The following MEGF10 variants were observed in gnomAD, a reference collection of about 807,000 sequenced individuals.
MEGF10 encodes the protein multiple EGF like domains 10.
Under a neutral mutation model 147.5 loss-of-function variants are expected in MEGF10, and 86 were observed. The ratio of observed to expected loss-of-function variants is 0.58; its 90% CI spans 0.49 to 0.70. The LOEUF (loss-of-function observed/expected upper bound fraction) is 0.70. Ranked by LOEUF, MEGF10 falls within the 30% of genes least tolerant of loss-of-function variation. MEGF10 has a pLI of 0.00. For missense variants in MEGF10, 1,329 were observed against 1,487.3 expected, an observed-to-expected ratio of 0.89 and a Z score of 1.75; for synonymous variants, 478 against 525.5, an observed-to-expected ratio of 0.91 and a Z score of 1.24.
At position 127,434,805 on chromosome 5, in the gene MEGF10, C is replaced by T. The variant is rs146017981; in HGVS notation, c.1959C>T (p.Gly653=). The T allele has an allele frequency of 2.4e-5, 38 of 1,613,032 alleles. No individual in the cohort carries two copies. The highest frequency in any genetic ancestry group is 1.2e-4 in the African/African-American group (9 of 74,920). Residue 653 remains glycine, a synonymous_variant, in exon 15 of 25, where the codon GGC becomes GGT. Transcript: ENST00000503335. The stretch of plus-strand genomic sequence containing the variant: ...GTGACTGCTTGCCTGGCTTCACAGG[C>T]GCCCTCTGCAATGAAGGTAAGGCAC... ...GLCDCLPGFT[G]ALCNEVCPSG...
the MEGF10 span, among the ~76,000 whole-genome samples, chr5:127,269,856 G>C: frequency 6.6e-6 from 1 of 152,178 alleles, no homozygotes; most frequent in South Asian, 2.1e-4. Flanking sequence ...CACACAAAAG[G>C]AAACCCATCA....
chr5:127,370,022 TGTC>T lies in MEGF10; in HGVS notation c.412+21_412+23del, dbSNP rs752323612. 1 of 1,601,698 alleles carries T rather than the reference TGTC, an allele frequency of 6.2e-7. No homozygotes were observed. Among genetic ancestry groups the T allele is most frequent in the African/African-American group, 1.3e-5 (1 of 74,558 alleles). On this transcript the variant is annotated intron_variant, in intron 5 of 24. Transcript: ENST00000503335. ...CCAGTGGTAAGTTTCCACCTGCTGT[TGTC>T]TGTCTCGGGATGTTTTTGCTGTAAG...
intron 1 of MEGF10, among the ~76,000 whole-genome samples, chr5:127,291,440 C>G (rs1759252556): frequency 6.6e-6 from 1 of 152,058 alleles, no homozygotes; most frequent in Non-Finnish European, 1.5e-5. Context: ...TTCAGCTGGG[C>G]CCTTTCTTCT....
At chr5:127,359,613 A>G (rs1762404593) in intron 4 of MEGF10, among the ~76,000 whole-genome samples, 1 of 152,116 alleles carries the variant, frequency 6.6e-6, no homozygotes, top group Admixed American at 6.5e-5. Context: ...AGAGCTTTAT[A>G]TAAGTGGACT....
chr5:127,356,219 C>T (rs529813714), intron 4 of MEGF10, among the ~76,000 whole-genome samples: 8 of 152,300 alleles, frequency 5.3e-5, no homozygotes, highest in African/African-American at 1.4e-4. Flanking sequence ...CGCCGGCCAG[C>T]GCTTTTACAG....
At chr5:127,371,029 T>C (rs1762826790) in intron 5 of MEGF10, among the ~76,000 whole-genome samples, 1 of 152,230 alleles carries the variant, frequency 6.6e-6, no homozygotes, top group Admixed American at 6.5e-5. Context: ...TATTTTGGAA[T>C]TGGGGAGATT....
upstream of MEGF10, among the ~76,000 whole-genome samples, chr5:127,290,661 G>C (rs1452793982): frequency 6.6e-6 from 1 of 152,216 alleles, no homozygotes; most frequent in Non-Finnish European, 1.5e-5. Flanking sequence ...TGTTGCGCTA[G>C]GGACTGCGCG....
chr5:127,250,451 C>A, the MEGF10 span, among the ~76,000 whole-genome samples: 9 of 151,894 alleles, frequency 5.9e-5, no homozygotes, highest in African/African-American at 2.2e-4. Flanking sequence ...ATTCAATAAT[C>A]ATTTGTGATT....
the MEGF10 span, among the ~76,000 whole-genome samples, chr5:127,239,934 T>G: frequency 6.6e-6 from 1 of 152,278 alleles, no homozygotes; most frequent in South Asian, 2.1e-4. Flanking sequence ...CTATTTTCCC[T>G]TGCCTGGACC....
the MEGF10 span, among the ~76,000 whole-genome samples, chr5:127,231,948 G>C: frequency 6.6e-6 from 1 of 152,248 alleles, no homozygotes; most frequent in Non-Finnish European, 1.5e-5. Flanking sequence ...AAGATCTCCA[G>C]TGAATATTTC....
At chr5:127,447,399 G>C (rs537419151) in intron 20 of MEGF10, among the ~76,000 whole-genome samples, 158 bp from the exon 21 acceptor site, 136 of 152,178 alleles carry the variant, frequency 8.9e-4, no homozygotes, top group African/African-American at 3.3e-3. Flanking sequence ...GGATGGTCTC[G>C]ATCTCCTGAC....
chr5:127,350,783 A>T (rs562153841), intron 4 of MEGF10, among the ~76,000 whole-genome samples: 86 of 152,278 alleles, frequency 5.6e-4, no homozygotes, highest in Middle Eastern at 3.4e-3. Flanking sequence ...ATTGATTTTT[A>T]AAAAAATTTT....
At chr5:127,335,501 A>G (rs1761425847) in intron 2 of MEGF10, among the ~76,000 whole-genome samples, 2 of 152,148 alleles carry the variant, frequency 1.3e-5, no homozygotes, top group Admixed American at 6.6e-5. Context: ...TCTTGAAGAC[A>G]CTTTTCTTCA....
intron 9 of MEGF10, among the ~76,000 whole-genome samples, chr5:127,414,368 C>G (rs79399825): frequency 1.3e-5 from 2 of 151,766 alleles, no homozygotes; most frequent in East Asian, 3.9e-4. Flanking sequence ...GGGATCATAC[C>G]ATCTAGGATG....
At chr5:127,280,347 A>T in the MEGF10 span, among the ~76,000 whole-genome samples, 1 of 152,158 alleles carries the variant, frequency 6.6e-6, no homozygotes, top group Admixed American at 6.5e-5. Context: ...CAAATTCCAT[A>T]CAAGATGCAA....
chr5:127,391,845 A>G (rs1308157474), intron 5 of MEGF10, among the ~76,000 whole-genome samples: 1 of 152,168 alleles, frequency 6.6e-6, no homozygotes, highest in Non-Finnish European at 1.5e-5. Flanking sequence ...TGGAAATTAC[A>G]GAACAAGGCA....
At chr5:127,266,610 A>G in the MEGF10 span, among the ~76,000 whole-genome samples, 12 of 152,000 alleles carry the variant, frequency 7.9e-5, no homozygotes, top group African/African-American at 2.7e-4. Context: ...GCAGTGGTTT[A>G]TAGTTCTCCT....
chr5:127,380,020 A>C (rs1229316742), intron 5 of MEGF10, among the ~76,000 whole-genome samples: 1 of 151,404 alleles, frequency 6.6e-6, no homozygotes, highest in African/African-American at 2.4e-5. Flanking sequence ...TCTCCTTTTT[A>C]ACGTTTTTAA....
rs1309899011 is a variant in MEGF10 at position 127,340,556 on chromosome 5, A to G, written c.245A>G (p.His82Arg). The change falls in exon 4 of 25, where the codon CAT becomes CGT. Residue 82 changes from histidine to arginine, a missense_variant. Around this residue, in one of 3 missense-constraint regions of MEGF10, gnomAD observed 980 missense variants for 1,085.9 expected, o/e 0.90. Coordinates refer to ENST00000503335, the MANE Select transcript of MEGF10 (RefSeq NM_001256545.2). The part of the protein sequence containing the change: ...HRVSYRTAYR[H>R]GEKTMYRRKS... ...GTCAGCTATCGGACAGCCTATCGAC[A>G]TGGGGAGAAGACTATGTATAGGCGC... 2 of 1,612,748 alleles carry G rather than the reference A, an allele frequency of 1.2e-6. No individual in the cohort carries two copies. The highest frequency in any genetic ancestry group is 2.7e-5 in the African/African-American group (2 of 74,850).
Sources: gnomAD v4.1 joint callset for allele counts (sites outside exome capture counted in the v4.1 genomes callset) on GRCh38, gnomAD v4.1.1 for gene constraint, gnomAD v4.1.1 regional missense constraint, MANE v1.5 for transcripts, NCBI Gene and HGNC (gene_info 2026-07-23, HGNC 2026-07-21) for gene names.